Variants in COL5A2 observed in about 807,000 individuals in gnomAD.
COL5A2 encodes collagen type V alpha 2 chain.
In COL5A2, 23 loss-of-function variants were observed where a neutral mutation model predicts 208.2. That is an observed-to-expected ratio of 0.11 (90% CI 0.08 to 0.16). The LOEUF (loss-of-function observed/expected upper bound fraction) is 0.16, where lower values mean the gene tolerates loss of function less well. Among genes scored for constraint, COL5A2 ranks in the 10% least tolerant of loss-of-function variants. The pLI is 1.00. For synonymous variants in COL5A2, 625 were observed against 628.5 expected, an observed-to-expected ratio of 0.99 and a Z score of 0.08; for missense variants, 1,590 against 1,956.4, an observed-to-expected ratio of 0.81 and a Z score of 3.53.
chr2:189,379,198 C>A, the COL5A2 span, among the ~76,000 whole-genome samples: 1 of 151,916 alleles, frequency 6.6e-6, no homozygotes, highest in Non-Finnish European at 1.5e-5. Context: ...CCTAAAGGAC[C>A]AGAGTATAGA....
At chr2:189,086,616 T>C (rs940591441) in intron 9 of COL5A2, 110 bp downstream of exon 9, 26 of 781,408 alleles carry the variant, frequency 3.3e-5, no homozygotes, top group Admixed American at 6.4e-5. Flanking sequence ...AGCATTACAA[T>C]ATAAAATTTT....
intron 10 of COL5A2, 127 bp from the exon 11 acceptor site, chr2:189,085,340 AT>A: frequency 1.1e-6 from 1 of 914,766 alleles, no homozygotes; most frequent in Non-Finnish European, 1.7e-6. Context: ...AATGATAAAT[AT>A]TGTTGAGACA....
the COL5A2 span, among the ~76,000 whole-genome samples, chr2:189,348,321 A>G: frequency 6.6e-6 from 1 of 152,204 alleles, no homozygotes; most frequent in African/African-American, 2.4e-5. Context: ...TATTACCTCA[A>G]GAAAATCATG....
At chr2:189,126,188 T>G (rs1347862397) in intron 1 of COL5A2, among the ~76,000 whole-genome samples, 2 of 152,022 alleles carry the variant, frequency 1.3e-5, no homozygotes, top group African/African-American at 4.8e-5. Context: ...CATCTTAAGA[T>G]TTAAATATTA....
chr2:189,359,708 T>C, the COL5A2 span, among the ~76,000 whole-genome samples: 114 of 152,302 alleles, frequency 7.5e-4, no homozygotes, highest in African/African-American at 2.6e-3. Flanking sequence ...GGCTTTTCTT[T>C]GATGGGAGAC....
chr2:189,273,160 C>A, the COL5A2 span, among the ~76,000 whole-genome samples: 74 of 152,034 alleles, frequency 4.9e-4, 1 homozygote, highest in African/African-American at 1.7e-3. Flanking sequence ...ATTATGATGG[C>A]AGAAAGGATA....
At chr2:189,334,755 G>A in the COL5A2 span, among the ~76,000 whole-genome samples, 1 of 151,948 alleles carries the variant, frequency 6.6e-6, no homozygotes, top group Non-Finnish European at 1.5e-5. Flanking sequence ...GAACGACAAA[G>A]TATTAGAAAA....
chr2:189,191,140 T>TAAAAAAAAAAAAAAAAAAA, intron 1 of COL5A2, among the ~76,000 whole-genome samples: 1 of 118,884 alleles, frequency 8.4e-6, no homozygotes, highest in Non-Finnish European at 1.7e-5. Context: ...AGGGAAACCA[T>TAAAAAAAAAAAAAAAAAAA]AAAAAAAAAA....
At chr2:189,127,972 A>C (rs1242268046) in intron 1 of COL5A2, among the ~76,000 whole-genome samples, 1 of 152,064 alleles carries the variant, frequency 6.6e-6, no homozygotes, top group Non-Finnish European at 1.5e-5. Flanking sequence ...ATAAAACAGA[A>C]GTGCACTCAG....
the COL5A2 span, among the ~76,000 whole-genome samples, chr2:189,267,888 T>C: frequency 1.3e-5 from 2 of 152,214 alleles, no homozygotes; most frequent in African/African-American, 4.8e-5. Context: ...ATATTCTTGT[T>C]GGTTGCATAG....
the COL5A2 span, among the ~76,000 whole-genome samples, chr2:189,244,007 A>T: frequency 8.3e-4 from 127 of 152,330 alleles, no homozygotes; most frequent in African/African-American, 2.9e-3. Flanking sequence ...GCTGGGACAC[A>T]GGGCACCAAG....
At chr2:189,246,177 G>A in the COL5A2 span, among the ~76,000 whole-genome samples, 17 of 151,906 alleles carry the variant, frequency 1.1e-4, no homozygotes, top group Admixed American at 1.1e-3. Flanking sequence ...ACCAATACAT[G>A]AAAAATTCAG....
chr2:189,273,439 A>C, the COL5A2 span, among the ~76,000 whole-genome samples: 1 of 152,174 alleles, frequency 6.6e-6, no homozygotes, highest in African/African-American at 2.4e-5. Flanking sequence ...TAAAAAAAGA[A>C]GGTTCATCAA....
chr2:189,135,628 T>G (rs1318388416), intron 1 of COL5A2, among the ~76,000 whole-genome samples: 1 of 151,968 alleles, frequency 6.6e-6, no homozygotes, highest in Non-Finnish European at 1.5e-5. Flanking sequence ...ACTATGCTTA[T>G]ATCTACACAT....
chr2:189,324,203 A>G, the COL5A2 span, among the ~76,000 whole-genome samples: 1 of 152,200 alleles, frequency 6.6e-6, no homozygotes, highest in East Asian at 1.9e-4. Flanking sequence ...ACCTAAAACC[A>G]TAAAAACCCT....
chr2:189,437,729 A>G, the COL5A2 span, among the ~76,000 whole-genome samples: 2 of 152,210 alleles, frequency 1.3e-5, no homozygotes, highest in African/African-American at 4.8e-5. Context: ...AAGAAGAGAT[A>G]AAAATTGCAC....
the COL5A2 span, among the ~76,000 whole-genome samples, chr2:189,244,404 C>T: frequency 6.6e-6 from 1 of 152,186 alleles, no homozygotes; most frequent in African/African-American, 2.4e-5. Context: ...CAAAGTTCCA[C>T]AAATCTCTAA....
At chr2:189,329,404 T>C in the COL5A2 span, among the ~76,000 whole-genome samples, 1 of 152,216 alleles carries the variant, frequency 6.6e-6, no homozygotes, top group Non-Finnish European at 1.5e-5. Context: ...ACATCTATTG[T>C]ACAGCATGGT....
At chr2:189,303,555 T>C in the COL5A2 span, among the ~76,000 whole-genome samples, 1 of 152,156 alleles carries the variant, frequency 6.6e-6, no homozygotes, top group Admixed American at 6.6e-5. Context: ...AAACTAAATA[T>C]GGCCTGAGAA....
Sources: allele counts gnomAD v4.1 joint callset (sites outside exome capture counted in the v4.1 genomes callset), GRCh38; gene constraint gnomAD v4.1.1; transcripts MANE v1.5; gene names NCBI Gene and HGNC (gene_info 2026-07-23, HGNC 2026-07-21).